NRF1: variants seen among roughly 807,000 people sequenced by gnomAD.
NRF1 encodes alpha palindromic-binding protein.
A neutral mutation model predicts 58.5 loss-of-function variants in NRF1; 5 were observed. That is an observed-to-expected ratio of 0.09 (90% confidence interval 0.04 to 0.18). The LOEUF is 0.18. Ranked by LOEUF, NRF1 falls within the 10% of genes least tolerant of loss-of-function variation. The probability of loss-of-function intolerance (pLI) is 1.00; values close to 1 mark genes in which losing one functional copy is unlikely to be tolerated. For missense variants in NRF1, 288 were observed against 657.7 expected (o/e 0.44, Z 6.15); for synonymous variants, 224 against 246.7 (o/e 0.91, Z 0.86).
intron 5 of NRF1, among the ~76,000 whole-genome samples, chr7:129,699,145 T>C (rs1472410261): frequency 6.6e-6 from 1 of 152,196 alleles, no homozygotes; most frequent in Non-Finnish European, 1.5e-5. Flanking sequence ...TGCAACAGGA[T>C]AGTAATTTAC....
rs200160769 is a variant in NRF1, at chr7:129,637,869, T to TA, written c.-6-19477_-6-19476insA. Among the ~76,000 whole-genome samples, 41 of 150,984 alleles carry TA rather than the reference T, an allele frequency of 2.7e-4. 2 individuals are homozygous for TA. The South Asian group carries it at 3.0e-3, about 11-fold the overall frequency. ...TATGAGATTTTTTTGTGATTTTATT[T>TA]TTTGTTTTTTTTTTTCTAAGCTCAT... On this transcript the variant is annotated intron_variant, in intron 1 of 10. Transcript: ENST00000393232.
intron 1 of NRF1, among the ~76,000 whole-genome samples, chr7:129,653,677 T>C (rs1801588453): frequency 6.6e-6 from 1 of 152,216 alleles, no homozygotes; most frequent in Non-Finnish European, 1.5e-5. Flanking sequence ...CTAATCTTTT[T>C]ACCGTCCCCA....
At chr7:129,748,136 G>A (rs1028379468) in intron 10 of NRF1, among the ~76,000 whole-genome samples, 1 of 151,746 alleles carries the variant, frequency 6.6e-6, no homozygotes, top group African/African-American at 2.4e-5. Flanking sequence ...TTAGCCGGGC[G>A]TGGTGGTGCG....
chr7:129,711,682 C>CAA, intron 8 of NRF1, 106 bp downstream of exon 8: 1 of 813,362 alleles, frequency 1.2e-6, no homozygotes, highest in Non-Finnish European at 1.9e-6. Context: ...GGCACTCTTT[C>CAA]ATTTAAACCT....
intron 9 of NRF1, among the ~76,000 whole-genome samples, chr7:129,722,710 G>C (rs1054893085): frequency 1.3e-5 from 2 of 152,100 alleles, no homozygotes; most frequent in African/African-American, 4.8e-5. Flanking sequence ...AGTTTTTAGG[G>C]CTTTAAGTGG....
intron 2 of NRF1, among the ~76,000 whole-genome samples, chr7:129,666,314 C>T (rs1801920227): frequency 6.6e-6 from 1 of 152,128 alleles, no homozygotes; most frequent in African/African-American, 2.4e-5. Context: ...TTGTCATTCT[C>T]TTGCATTTGT....
At chr7:129,692,584 G>T (rs1035995589) in intron 5 of NRF1, among the ~76,000 whole-genome samples, 3 of 152,070 alleles carry the variant, frequency 2.0e-5, no homozygotes, top group Admixed American at 1.3e-4. Flanking sequence ...ATGAATGAAT[G>T]AATAAATTTA....
intron 10 of NRF1, among the ~76,000 whole-genome samples, chr7:129,742,442 ACT>A (rs1249666847): frequency 2.0e-5 from 3 of 152,130 alleles, no homozygotes; most frequent in East Asian, 3.9e-4. Context: ...CAGTCTTCCG[ACT>A]CTGCCCAGCC....
At chr7:129,706,189 G>A (rs372513644) in intron 5 of NRF1, among the ~76,000 whole-genome samples, 1 of 152,332 alleles carries the variant, frequency 6.6e-6, no homozygotes, top group Admixed American at 6.5e-5. Flanking sequence ...TGTAGTGTGA[G>A]GCCAGATTGT....
intron 10 of NRF1, among the ~76,000 whole-genome samples, chr7:129,738,728 C>T (rs541721292): frequency 1.3e-5 from 2 of 152,328 alleles, no homozygotes; most frequent in South Asian, 4.1e-4. Flanking sequence ...CATTATTCTA[C>T]CTTCACCCAG....
intron 1 of NRF1, among the ~76,000 whole-genome samples, chr7:129,650,812 A>G (rs1801517088): frequency 1.3e-5 from 2 of 151,992 alleles, no homozygotes; most frequent in Admixed American, 1.3e-4. Flanking sequence ...TTGGTGATAG[A>G]CTGTGCTGTT....
chr7:129,634,325 A>G (rs1801124351), intron 1 of NRF1, among the ~76,000 whole-genome samples: 1 of 152,162 alleles, frequency 6.6e-6, no homozygotes, highest in African/African-American at 2.4e-5. Context: ...TCACTAATCC[A>G]GAAGTCTCCT....
At chr7:129,746,097 A>G (rs1356318741) in intron 10 of NRF1, among the ~76,000 whole-genome samples, 1 of 152,234 alleles carries the variant, frequency 6.6e-6, no homozygotes, top group African/African-American at 2.4e-5. Context: ...TCTTGGCTTC[A>G]TGAGAATATT....
intron 1 of NRF1, among the ~76,000 whole-genome samples, chr7:129,646,671 A>G (rs1801411928): frequency 6.6e-6 from 1 of 152,174 alleles, no homozygotes; most frequent in African/African-American, 2.4e-5. Context: ...CTGATATTAT[A>G]ACAATGAAAA....
chr7:129,708,035 T>C (rs901974403), intron 5 of NRF1, among the ~76,000 whole-genome samples: 3 of 152,212 alleles, frequency 2.0e-5, no homozygotes, highest in Non-Finnish European at 2.9e-5. Context: ...ACTTTGTAAC[T>C]ACAAATCCAC....
chr7:129,676,270 T>C (rs775226317), intron 3 of NRF1, among the ~76,000 whole-genome samples: 9 of 152,272 alleles, frequency 5.9e-5, no homozygotes, highest in Non-Finnish European at 1.2e-4. Flanking sequence ...CAAGGACTTT[T>C]CTTTGCATTA....
At chr7:129,652,559 G>A (rs879892198) in intron 1 of NRF1, among the ~76,000 whole-genome samples, 4 of 152,072 alleles carry the variant, frequency 2.6e-5, no homozygotes, top group African/African-American at 4.8e-5. Context: ...TTATTCTCCT[G>A]TAAGATTAGT....
chr7:129,647,875 A>G (rs930450166), intron 1 of NRF1, among the ~76,000 whole-genome samples: 1 of 152,248 alleles, frequency 6.6e-6, no homozygotes, highest in Admixed American at 6.5e-5. Context: ...AGGCAAGGCC[A>G]CTTCTAAACT....
rs531409258 is a variant in NRF1, at chr7:129,712,280, A to G, written c.1065+704A>G. On this transcript the variant is annotated intron_variant, in intron 8 of 10. Transcript: ENST00000393232. ...GGCTCTGAGCCATTGGTGAAGATGC[A>G]ACAGTGAAGGAAGGGGTTTGTTACG... Among the ~76,000 whole-genome samples the G allele has an allele frequency of 6.6e-5, 10 of 152,366 alleles. No homozygotes were observed. The South Asian group carries it at 2.1e-3, about 32-fold the overall frequency.
Sources: allele counts gnomAD v4.1 joint callset (sites outside exome capture counted in the v4.1 genomes callset), GRCh38; gene constraint gnomAD v4.1.1; transcripts MANE v1.5; gene names NCBI Gene and HGNC (gene_info 2026-07-23, HGNC 2026-07-21).